REV3L: variants seen among roughly 807,000 people sequenced by gnomAD.
REV3L encodes the protein REV3 like, DNA directed polymerase zeta catalytic subunit, also known as DNA polymerase zeta catalytic subunit.
In REV3L, 69 loss-of-function variants were observed where a neutral mutation model predicts 299.4. The ratio of observed to expected loss-of-function variants is 0.23; its 90% CI spans 0.19 to 0.28. The LOEUF is 0.28. REV3L is among the 10% of genes least tolerant of loss of function. REV3L has a pLI of 1.00. For synonymous variants in REV3L, 1,238 were observed against 1,271.4 expected (o/e 0.97, Z 0.56); for missense variants, 3,128 against 3,693.8 (o/e 0.85, Z 3.97).
chr6:111,473,425 G>A lies in REV3L; in HGVS notation c.139+9325C>T, dbSNP rs1792501352. ...AGAAAATGTAATTATAGTACCAGAG[G>A]AACTTGAAAGGTCTCATATATTCCC... is the stretch of plus-strand genomic sequence containing the variant. On this transcript the variant is annotated intron_variant, in intron 1 of 31. Transcript: ENST00000368802. 2.0e-5 allele frequency among the ~76,000 whole-genome samples: 3 copies of A among 151,962 alleles called. No individual in the cohort carries two copies. In the South Asian group the frequency reaches 6.3e-4, roughly 32 times the overall value.
At chr6:111,335,680 C>A in intron 21 of REV3L, 70 bp from the exon 22 acceptor site, 1 of 1,471,778 alleles carries the variant, frequency 6.8e-7, no homozygotes, top group Non-Finnish European at 9.1e-7. Flanking sequence ...TACTTTTTTT[C>A]CTGCCAAAAA....
At position 111,367,570 on chromosome 6, in the gene REV3L, G is replaced by A. The variant is rs1779352282; in HGVS notation, c.6218C>T (p.Ser2073Phe). The change falls in exon 14 of 32, where the codon TCT (serine) becomes TTT (phenylalanine). Residue 2073 changes from serine to phenylalanine, a missense_variant. Ser to Phe is a radical substitution (Grantham distance 155, BLOSUM62 -2). This residue lies in a region of REV3L where 2,409 missense variants were observed against 2,611.8 expected (regional missense o/e 0.92). Coordinates refer to ENST00000368802, the MANE Select transcript of REV3L (RefSeq NM_001372078.1). ...GGTTGGTGCTTGTAAAGCAATCTGA[G>A]AATTATCAACATCCTCCTTGGTATG... The part of the protein sequence containing the change: ...TAHTKEDVDN[S>F]QIALQAPTTG... The A allele has an allele frequency of 6.2e-7, 1 of 1,613,946 alleles. No individual in the cohort carries two copies. The highest frequency in any genetic ancestry group is 8.5e-7 in the Non-Finnish European group (1 of 1,179,836).
At chr6:111,338,849 G>T (rs1477803005) in intron 21 of REV3L, among the ~76,000 whole-genome samples, 1 of 152,008 alleles carries the variant, frequency 6.6e-6, no homozygotes, top group Non-Finnish European at 1.5e-5. Context: ...AGTGGAAATG[G>T]TTTATTTCAC....
chr6:111,370,083 G>A (rs1049275382), intron 13 of REV3L, among the ~76,000 whole-genome samples: 1 of 152,038 alleles, frequency 6.6e-6, no homozygotes, highest in South Asian at 2.1e-4. Flanking sequence ...TGCCCACCTT[G>A]GCCTCCCAAA....
At chr6:111,431,098 T>A in intron 1 of REV3L, 1 of 1,503,336 alleles carries the variant, frequency 6.7e-7, no homozygotes, top group East Asian at 2.3e-5. Flanking sequence ...CAAGAATGAT[T>A]CTGATTTAAT....
intron 16 of REV3L, among the ~76,000 whole-genome samples, chr6:111,363,364 G>A (rs1778890429): frequency 6.6e-6 from 1 of 152,066 alleles, no homozygotes; most frequent in South Asian, 2.1e-4. Flanking sequence ...GGAGTGTAGT[G>A]GCGCAATCAC....
intron 1 of REV3L, chr6:111,431,333 G>A: frequency 9.2e-7 from 1 of 1,086,988 alleles, no homozygotes; most frequent in Non-Finnish European, 1.4e-6. Context: ...GATTACAGAA[G>A]TAGAGCCACC....
At chr6:111,326,605 A>AC (rs35434609) in intron 25 of REV3L, among the ~76,000 whole-genome samples, 51,817 of 145,984 alleles carry the variant, frequency 0.35, 10,367 homozygotes, top group Middle Eastern at 0.47. Context: ...CTGGGTATAT[A>AC]CCCCCCCCAA....
rs150450230 is a variant in REV3L at position 111,377,812 on chromosome 6, T to C, written c.1486A>G (p.Thr496Ala). The change falls in exon 12 of 32, where the codon ACT (threonine) becomes GCT (alanine). Residue 496 changes from threonine (T) to alanine (A), a missense_variant. Around this residue, in one of 9 missense-constraint regions of REV3L, gnomAD observed 2,409 missense variants for 2,611.8 expected, o/e 0.92. Transcript: ENST00000368802. Reference sequence around the variant, plus strand: ...CCTGAAGATGAGTCATCATCTTCAGTTGAACTTCTGTGGGTATTTCTGCAC... The same window carrying C: ...CCTGAAGATGAGTCATCATCTTCAGCTGAACTTCTGTGGGTATTTCTGCAC... ...SLCRNTHRSS[T>A]EDDDSSSGEE... 1.5e-4 allele frequency: 243 copies of C among 1,612,734 alleles called. 1 individual carries two copies. In the African/African-American group the frequency reaches 2.7e-3, roughly 18 times the overall value.
At chr6:111,408,897 C>A (rs1783941345) in intron 3 of REV3L, among the ~76,000 whole-genome samples, 1 of 152,008 alleles carries the variant, frequency 6.6e-6, no homozygotes, top group Non-Finnish European at 1.5e-5. Context: ...GCTGGCCAGG[C>A]TTGTCTCAAA....
At chr6:111,422,891 A>C (rs969682802) in intron 1 of REV3L, among the ~76,000 whole-genome samples, 7 of 151,666 alleles carry the variant, frequency 4.6e-5, no homozygotes, top group Non-Finnish European at 8.8e-5. Flanking sequence ...TATTTCTTCA[A>C]ATAAAATATA....
intron 1 of REV3L, among the ~76,000 whole-genome samples, chr6:111,476,860 G>A (rs572473546): frequency 6.6e-6 from 1 of 152,046 alleles, no homozygotes; most frequent in Non-Finnish European, 1.5e-5. Context: ...AGACCATTAC[G>A]AATCTCATGT....
At chr6:111,355,128 G>T (rs1027700834) in intron 18 of REV3L, among the ~76,000 whole-genome samples, 1 of 151,928 alleles carries the variant, frequency 6.6e-6, no homozygotes, top group Non-Finnish European at 1.5e-5. Flanking sequence ...TATAGATGAG[G>T]TTTTACTTGT....
intron 14 of REV3L, 122 bp from the exon 15 acceptor site, chr6:111,365,466 C>A: frequency 2.3e-6 from 1 of 436,054 alleles, no homozygotes; most frequent in Non-Finnish European, 4.0e-6. Context: ...ATGAATTCCC[C>A]CCAGAATTTC....
Position 111,425,180 on chromosome 6 carries a change from C to T in REV3L, c.140-8708G>A, listed in dbSNP as rs780572687. Among the ~76,000 whole-genome samples, 7 of 152,120 alleles carry T rather than the reference C, an allele frequency of 4.6e-5. No individual in the cohort carries two copies. The East Asian group carries it at 5.8e-4, about 13-fold the overall frequency. ...AGCAGAGATTTCAAATAGAGACTGC[C>T]GGGCGCGGTGGCTCATGCCTGTAAT... is the stretch of plus-strand genomic sequence containing the variant. On this transcript the variant is annotated intron_variant, in intron 1 of 31. Coordinates refer to ENST00000368802, the MANE Select transcript of REV3L (RefSeq NM_001372078.1).
At chr6:111,327,652 G>A (rs542942798) in intron 25 of REV3L, among the ~76,000 whole-genome samples, 82 of 148,120 alleles carry the variant, frequency 5.5e-4, no homozygotes, top group Non-Finnish European at 9.4e-4. Flanking sequence ...GTTTTCAAAT[G>A]TATTAATATG....
At chr6:111,474,988 T>TACAC (rs36213449) in intron 1 of REV3L, among the ~76,000 whole-genome samples, 24 of 145,822 alleles carry the variant, frequency 1.6e-4, no homozygotes, top group African/African-American at 5.0e-4. Context: ...TGCCTATATA[T>TACAC]ACACACACAC....
At chr6:111,412,350 G>C in intron 2 of REV3L, 1 of 736,262 alleles carries the variant, frequency 1.4e-6, no homozygotes, top group Non-Finnish European at 1.7e-6. Flanking sequence ...AGAAATCCTC[G>C]GTGCAAGATG....
At chr6:111,417,160 AT>A (rs1231047684) in intron 1 of REV3L, among the ~76,000 whole-genome samples, 1 of 152,190 alleles carries the variant, frequency 6.6e-6, no homozygotes, top group South Asian at 2.1e-4. Flanking sequence ...AAACCAATAT[AT>A]CAGTCAAGGT....
Sources: gnomAD v4.1 joint callset for allele counts (sites outside exome capture counted in the v4.1 genomes callset) on GRCh38, gnomAD v4.1.1 for gene constraint, gnomAD v4.1.1 regional missense constraint, MANE v1.5 for transcripts, NCBI Gene and HGNC (gene_info 2026-07-23, HGNC 2026-07-21) for gene names.